ARHGAP18: variants seen among roughly 807,000 people sequenced by gnomAD.
ARHGAP18 encodes Rho GTPase activating protein 18, also known as rho GTPase-activating protein 18.
In ARHGAP18, 67 loss-of-function variants were observed where a neutral mutation model predicts 86.2. The observed-to-expected ratio is 0.78, with a 90% CI of 0.64 to 0.95. The LOEUF is 0.95. Ranked by LOEUF, ARHGAP18 falls within the 40% of genes least tolerant of loss-of-function variation. The pLI, the probability that ARHGAP18 is intolerant of heterozygous loss-of-function variation, is 0.00. For missense variants in ARHGAP18, 691 were observed against 780.4 expected, an observed-to-expected ratio of 0.89 and a Z score of 1.37; for synonymous variants, 283 against 280.4, an observed-to-expected ratio of 1.01 and a Z score of -0.09.
At chr6:129,651,549 C>A (rs545714360) in intron 1 of ARHGAP18, among the ~76,000 whole-genome samples, 1 of 152,248 alleles carries the variant, frequency 6.6e-6, no homozygotes, top group South Asian at 2.1e-4. Flanking sequence ...GACACCAGCA[C>A]CAGTGATGGG....
At position 129,584,034 on chromosome 6, in the gene ARHGAP18, C is replaced by T. The variant is rs1379862423; in HGVS notation, c.1792G>A (p.Glu598Lys). Residue 598 changes from glutamate (E) to lysine (K), a missense_variant, in exon 13 of 15, where the codon GAA becomes AAA. Physicochemically the swap from Glu to Lys is moderately conservative, Grantham distance 56 (BLOSUM62 1). Transcript: ENST00000368149. ...KVSMAIQLTE[E>K]LKASDVLARF... ...GCAAGTACATCACTGGCTTTTAGTT[C>T]TTCAGTTAGCTGTATTGCCATGGAA... The T allele has an allele frequency of 6.2e-7, 1 of 1,613,634 alleles. No homozygotes were observed. The highest frequency in any genetic ancestry group is 8.5e-7 in the Non-Finnish European group (1 of 1,179,822).
chr6:129,629,261 A>ATG (rs1491015124), intron 5 of ARHGAP18, 92 bp downstream of exon 5: 235 of 835,726 alleles, frequency 2.8e-4, no homozygotes, highest in African/African-American at 1.3e-3. Flanking sequence ...ATATATATAT[A>ATG]TGTGTGTGTG....
At chr6:129,645,202 G>T (rs73776348) in intron 1 of ARHGAP18, among the ~76,000 whole-genome samples, 8,169 of 152,156 alleles carry the variant, frequency 0.054, 726 homozygotes, top group African/African-American at 0.19. Context: ...AACATGTTGT[G>T]TTACTTCTTT....
At chr6:129,596,227 C>T (rs980192356) in intron 12 of ARHGAP18, among the ~76,000 whole-genome samples, 2 of 152,148 alleles carry the variant, frequency 1.3e-5, no homozygotes, top group African/African-American at 4.8e-5. Flanking sequence ...CCCATTGCCC[C>T]TCTGACCTCA....
At chr6:129,685,539 A>G (rs1382979578) in intron 1 of ARHGAP18, among the ~76,000 whole-genome samples, 1 of 152,206 alleles carries the variant, frequency 6.6e-6, no homozygotes, top group Admixed American at 6.5e-5. Context: ...TAAATGAGTC[A>G]ATATTCAAAT....
Position 129,618,810 on chromosome 6 carries a change from C to T in ARHGAP18, c.829G>A (p.Gly277Ser), listed in dbSNP as rs1461237457. ...PKDKTGTTRI[G>S]DLAPQDMKKV... ...TTCATGTCCTGGGGTGCGAGGTCAC[C>T]AATCCTTGTGGTACCCGTTTTGTCT... Residue 277 changes from glycine (G) to serine (S), a missense_variant, in exon 6 of 15, where the codon GGT becomes AGT. Coordinates refer to ENST00000368149, the MANE Select transcript of ARHGAP18 (RefSeq NM_033515.3). 2 of 1,613,152 alleles carry T rather than the reference C, an allele frequency of 1.2e-6. No individual in the cohort carries two copies. Among genetic ancestry groups the T allele is most frequent in the African/African-American group, 2.7e-5 (2 of 74,900 alleles).
At chr6:129,658,646 A>G (rs2114516673) in intron 1 of ARHGAP18, among the ~76,000 whole-genome samples, 1 of 152,358 alleles carries the variant, frequency 6.6e-6, no homozygotes, top group East Asian at 1.9e-4. Flanking sequence ...GAAAAACAAT[A>G]TATTTTGAGT....
At chr6:129,657,841 G>T (rs1773871123) in intron 1 of ARHGAP18, among the ~76,000 whole-genome samples, 1 of 152,198 alleles carries the variant, frequency 6.6e-6, no homozygotes, top group African/African-American at 2.4e-5. Flanking sequence ...GATGGAGTAT[G>T]CATGACAGAA....
chr6:129,661,387 A>G (rs1181932435), intron 1 of ARHGAP18, among the ~76,000 whole-genome samples: 2 of 151,336 alleles, frequency 1.3e-5, no homozygotes, highest in Non-Finnish European at 2.9e-5. Context: ...AAGTTAATAT[A>G]TGGGATGATG....
At chr6:129,621,775 A>C (rs9375639) in intron 5 of ARHGAP18, among the ~76,000 whole-genome samples, 36,428 of 152,088 alleles carry the variant, frequency 0.24, 4,652 homozygotes, top group Non-Finnish European at 0.28. Context: ...AATAATAATT[A>C]TCTTATCGAA....
At chr6:129,637,592 G>A (rs142608558) in intron 3 of ARHGAP18, among the ~76,000 whole-genome samples, 190 of 152,310 alleles carry the variant, frequency 1.2e-3, no homozygotes, top group African/African-American at 4.2e-3. Context: ...CTAACTGGAT[G>A]TGTAAACAGA....
At chr6:129,638,005 A>C (rs533757081) in intron 3 of ARHGAP18, among the ~76,000 whole-genome samples, 3 of 152,288 alleles carry the variant, frequency 2.0e-5, no homozygotes, top group East Asian at 3.9e-4. Context: ...TCTAGGGAAA[A>C]ATCAAATATT....
chr6:129,673,041 C>T (rs570975776), intron 1 of ARHGAP18, among the ~76,000 whole-genome samples: 7 of 152,346 alleles, frequency 4.6e-5, no homozygotes, highest in Admixed American at 4.6e-4. Flanking sequence ...CTCTCCACTT[C>T]CTGCCCAGTT....
chr6:129,656,874 A>G (rs1301179371), intron 1 of ARHGAP18, among the ~76,000 whole-genome samples: 1 of 152,192 alleles, frequency 6.6e-6, no homozygotes, highest in Non-Finnish European at 1.5e-5. Context: ...CCTCCTGGGA[A>G]AAGTTTAAGG....
At chr6:129,674,769 T>C (rs1025634845) in intron 1 of ARHGAP18, among the ~76,000 whole-genome samples, 1 of 152,194 alleles carries the variant, frequency 6.6e-6, no homozygotes, top group Admixed American at 6.5e-5. Context: ...CCCCCATGGA[T>C]ACCAAGTGAG....
At chr6:129,586,191 G>T (rs995173880) in intron 12 of ARHGAP18, among the ~76,000 whole-genome samples, 1 of 152,104 alleles carries the variant, frequency 6.6e-6, no homozygotes, top group African/African-American at 2.4e-5. Context: ...TGTTCACATG[G>T]CCTCACCTAT....
chr6:129,616,113 G>C (rs1050355810), intron 7 of ARHGAP18, 99 bp downstream of exon 7: 5 of 916,412 alleles, frequency 5.5e-6, no homozygotes, highest in South Asian at 2.6e-5. Context: ...AAACATGACA[G>C]TATATGAATT....
chr6:129,604,599 C>T (rs1243404360), intron 10 of ARHGAP18, among the ~76,000 whole-genome samples: 1 of 152,138 alleles, frequency 6.6e-6, no homozygotes, highest in Non-Finnish European at 1.5e-5. Context: ...CCACTTTGTC[C>T]TGGGCCATAT....
intron 5 of ARHGAP18, among the ~76,000 whole-genome samples, chr6:129,624,777 T>G (rs1382014801): frequency 6.6e-6 from 1 of 150,676 alleles, no homozygotes; most frequent in Non-Finnish European, 1.5e-5. Context: ...AAACCCCATC[T>G]CTACCAAAAA....
Sources: gnomAD v4.1 joint callset for allele counts (sites outside exome capture counted in the v4.1 genomes callset) on GRCh38, gnomAD v4.1.1 for gene constraint, MANE v1.5 for transcripts, NCBI Gene and HGNC (gene_info 2026-07-23, HGNC 2026-07-21) for gene names.